Variants in SPMIP2 observed in about 807,000 individuals in gnomAD.
SPMIP2 encodes the protein protein SPMIP2.
At chr4:159,007,485 C>A in the SPMIP2 span, 4 of 736,852 alleles carry the variant, frequency 5.4e-6, no homozygotes, top group Non-Finnish European at 9.7e-6. Context: ...CTAGTGATCA[C>A]AGGGATCCAG....
the SPMIP2 span, among the ~76,000 whole-genome samples, chr4:159,051,170 T>C: frequency 6.6e-6 from 1 of 152,244 alleles, no homozygotes; most frequent in East Asian, 1.9e-4. Context: ...TGCATTTTCT[T>C]ACAGAAACAT....
chr4:159,035,112 C>A, the SPMIP2 span: 1 of 1,607,974 alleles, frequency 6.2e-7, no homozygotes, highest in Admixed American at 1.7e-5. Flanking sequence ...AAGTCTTAAC[C>A]GTGCTACTGG....
chr4:158,918,296 T>G, the SPMIP2 span, among the ~76,000 whole-genome samples: 2 of 152,210 alleles, frequency 1.3e-5, no homozygotes, highest in South Asian at 4.1e-4. Flanking sequence ...CTCTTTCCGC[T>G]CCTGCCAGGC....
At chr4:159,071,800 A>AAG in the SPMIP2 span, among the ~76,000 whole-genome samples, 1 of 151,780 alleles carries the variant, frequency 6.6e-6, no homozygotes, top group African/African-American at 2.4e-5. Context: ...GATGTCAGAA[A>AAG]AGAGAGAGAG....
the SPMIP2 span, among the ~76,000 whole-genome samples, chr4:159,003,178 C>T: frequency 6.0e-3 from 921 of 152,238 alleles, 5 homozygotes; most frequent in African/African-American, 0.019. Context: ...TCTTGTGGTT[C>T]GCAATTGGTT....
At chr4:159,051,219 T>C in the SPMIP2 span, among the ~76,000 whole-genome samples, 1 of 152,202 alleles carries the variant, frequency 6.6e-6, no homozygotes, top group Non-Finnish European at 1.5e-5. Flanking sequence ...ACCAGAGTTT[T>C]GGTAAATGTG....
chr4:159,025,170 C>A, the SPMIP2 span, among the ~76,000 whole-genome samples: 2 of 152,092 alleles, frequency 1.3e-5, no homozygotes, highest in African/African-American at 4.8e-5. Context: ...GATGGAAATG[C>A]CGACTCTCAA....
At chr4:158,979,125 G>A in the SPMIP2 span, among the ~76,000 whole-genome samples, 1 of 151,488 alleles carries the variant, frequency 6.6e-6, no homozygotes, top group African/African-American at 2.4e-5. Flanking sequence ...GAGCTGAGGT[G>A]GGCTCCGGAG....
chr4:158,952,492 T>C, the SPMIP2 span, among the ~76,000 whole-genome samples: 1 of 152,204 alleles, frequency 6.6e-6, no homozygotes, highest in Non-Finnish European at 1.5e-5. Context: ...TAAGTCCAAT[T>C]AAACCTCTTT....
chr4:159,082,485 G>GTA, the SPMIP2 span, among the ~76,000 whole-genome samples: 5 of 151,512 alleles, frequency 3.3e-5, no homozygotes, highest in Admixed American at 2.6e-4. Flanking sequence ...GTGTGTGTGT[G>GTA]TGTGTGTGTT....
the SPMIP2 span, among the ~76,000 whole-genome samples, chr4:158,979,971 G>A: frequency 5.3e-4 from 81 of 152,084 alleles, no homozygotes; most frequent in African/African-American, 1.9e-3. Context: ...CTTGCTGTCG[G>A]CACGGCAGTC....
the SPMIP2 span, among the ~76,000 whole-genome samples, chr4:159,009,574 A>G: frequency 2.0e-5 from 3 of 152,230 alleles, no homozygotes; most frequent in African/African-American, 7.2e-5. Flanking sequence ...CCTAGAATCA[A>G]CAAAGGACAC....
chr4:158,952,661 CAGA>C, the SPMIP2 span, among the ~76,000 whole-genome samples: 4 of 152,142 alleles, frequency 2.6e-5, no homozygotes, highest in African/African-American at 9.7e-5. Context: ...TTGGAGGCCT[CAGA>C]AGAAGACAGG....
chr4:158,914,189 C>T, the SPMIP2 span, among the ~76,000 whole-genome samples: 1 of 152,164 alleles, frequency 6.6e-6, no homozygotes, highest in African/African-American at 2.4e-5. Flanking sequence ...AGCCCTCCTC[C>T]ACACACACTG....
the SPMIP2 span, among the ~76,000 whole-genome samples, chr4:158,954,331 C>A: frequency 1.5e-5 from 2 of 129,414 alleles, no homozygotes; most frequent in African/African-American, 6.0e-5. Context: ...CTCATTTTCT[C>A]TTGCTGGTAC....
At chr4:158,911,063 CAG>C in the SPMIP2 span, among the ~76,000 whole-genome samples, 1 of 152,172 alleles carries the variant, frequency 6.6e-6, no homozygotes, top group South Asian at 2.1e-4. Flanking sequence ...ACATCATAAA[CAG>C]TACCAACTTA....
At chr4:158,944,030 A>AT in the SPMIP2 span, among the ~76,000 whole-genome samples, 18 of 151,380 alleles carry the variant, frequency 1.2e-4, no homozygotes, top group African/African-American at 4.1e-4. Context: ...TAATTTTTGT[A>AT]TTTTTAGTAG....
the SPMIP2 span, among the ~76,000 whole-genome samples, chr4:159,023,892 A>G: frequency 2.0e-5 from 3 of 152,206 alleles, no homozygotes; most frequent in Non-Finnish European, 4.4e-5. Context: ...AAGCTTAGAA[A>G]TAAAGCAGAT....
At chr4:159,057,416 T>C in the SPMIP2 span, among the ~76,000 whole-genome samples, 1 of 152,242 alleles carries the variant, frequency 6.6e-6, no homozygotes, top group African/African-American at 2.4e-5. Context: ...CTTTATTTGG[T>C]TCCCAAAAGA....
Sources: gnomAD v4.1 joint callset for allele counts (sites outside exome capture counted in the v4.1 genomes callset) on GRCh38, gnomAD v4.1.1 for gene constraint, MANE v1.5 for transcripts, NCBI Gene and HGNC (gene_info 2026-07-23, HGNC 2026-07-21) for gene names.